DPH6: variants seen among roughly 807,000 people sequenced by gnomAD.
DPH6 encodes diphthine--ammonia ligase.
In DPH6, 33 loss-of-function variants were observed where a neutral mutation model predicts 38.2. The ratio of observed to expected loss-of-function variants is 0.86; its 90% CI spans 0.65 to 1.15. DPH6 has a LOEUF of 1.15. Among genes scored for constraint, DPH6 ranks in the 50% most tolerant of loss-of-function variants. The pLI is 0.00. For synonymous variants in DPH6, 108 were observed against 103.0 expected, an observed-to-expected ratio of 1.05 and a Z score of -0.30; for missense variants, 325 against 320.0, an observed-to-expected ratio of 1.02 and a Z score of -0.12.
intron 3 of DPH6, 27 bp downstream of exon 3, chr15:35,538,247 A>G: frequency 7.0e-7 from 1 of 1,422,692 alleles, no homozygotes; most frequent in African/African-American, 1.4e-5. Context: ...ACTAAATCCA[A>G]TATACTTAAT....
At chr15:35,521,343 A>C in intron 3 of DPH6, 1 of 1,013,738 alleles carries the variant, frequency 9.9e-7, no homozygotes, top group South Asian at 4.6e-5. Context: ...TGAATGTTGA[A>C]TGTACAATCC....
intron 3 of DPH6, among the ~76,000 whole-genome samples, chr15:35,259,711 A>T (rs2051733380): frequency 6.6e-6 from 1 of 152,234 alleles, no homozygotes; most frequent in African/African-American, 2.4e-5. Flanking sequence ...AGCAGCCAAT[A>T]TAAGTCCTAA....
At position 35,268,187 on chromosome 15, in the gene DPH6, AT is replaced by A. The variant is rs1423555345; in HGVS notation, n.201-47606del. The stretch of plus-strand genomic sequence containing the variant: ...TCTGTCTCAAAAAATAAATAAATAA[AT>A]AAATAAATAAATAAATAAATAAATA... On this transcript the variant is annotated intron_variant and non_coding_transcript_variant, in intron 3 of 3. Transcript: ENST00000560386. 1.3e-3 allele frequency among the ~76,000 whole-genome samples: 189 copies of A among 148,712 alleles called. 1 individual carries two copies. Among genetic ancestry groups the A allele is most frequent in the Admixed American group, 2.7e-3 (41 of 14,982 alleles).
chr15:35,528,515 G>C (rs1158989677), intron 3 of DPH6, among the ~76,000 whole-genome samples: 1 of 152,016 alleles, frequency 6.6e-6, no homozygotes, highest in Non-Finnish European at 1.5e-5. Flanking sequence ...AATCTCTCTA[G>C]AATGTCCCCT....
At chr15:35,179,220 A>AG in the DPH6 span, among the ~76,000 whole-genome samples, 9 of 151,316 alleles carry the variant, frequency 5.9e-5, no homozygotes, top group East Asian at 5.8e-4. Flanking sequence ...AAAAAAAAAA[A>AG]AAAAAAAGAA....
At chr15:35,386,945 G>C in intron 6 of DPH6, among the ~76,000 whole-genome samples, 1 of 152,106 alleles carries the variant, frequency 6.6e-6, no homozygotes, top group Non-Finnish European at 1.5e-5. Context: ...GTAATGCCTA[G>C]GTTTTCTTCT....
intron 7 of DPH6, among the ~76,000 whole-genome samples, chr15:35,379,297 CT>C (rs1446532376): frequency 6.6e-6 from 1 of 152,122 alleles, no homozygotes; most frequent in Non-Finnish European, 1.5e-5. Context: ...AGGTAGTCTT[CT>C]TTTTTTGTAA....
At chr15:35,168,642 C>T in the DPH6 span, among the ~76,000 whole-genome samples, 1 of 151,948 alleles carries the variant, frequency 6.6e-6, no homozygotes, top group Non-Finnish European at 1.5e-5. Context: ...TCCTCTTCCC[C>T]CGAAAACTGC....
chr15:35,241,923 C>T (rs1327757769), intron 3 of DPH6, among the ~76,000 whole-genome samples: 1 of 144,252 alleles, frequency 6.9e-6, no homozygotes, highest in Non-Finnish European at 1.5e-5. Flanking sequence ...TATGCCTTAT[C>T]AACCAAATTG....
chr15:35,180,606 G>A, the DPH6 span, among the ~76,000 whole-genome samples: 1 of 152,140 alleles, frequency 6.6e-6, no homozygotes, highest in Non-Finnish European at 1.5e-5. Context: ...AACTACAAGT[G>A]TGTGCCACCA....
At chr15:35,284,783 C>A (rs1269101744) in intron 3 of DPH6, among the ~76,000 whole-genome samples, 2 of 138,784 alleles carry the variant, frequency 1.4e-5, no homozygotes, top group African/African-American at 5.3e-5. Context: ...AAGGAAAATT[C>A]ATGGGTGAAG....
chr15:35,241,708 G>C (rs2051600899), intron 3 of DPH6, among the ~76,000 whole-genome samples: 1 of 141,752 alleles, frequency 7.1e-6, no homozygotes, highest in Admixed American at 7.7e-5. Context: ...GACCGATCAT[G>C]CACCCCTTAC....
intron 3 of DPH6, among the ~76,000 whole-genome samples, chr15:35,315,755 A>G (rs150533479): frequency 4.0e-4 from 61 of 152,360 alleles, no homozygotes; most frequent in African/African-American, 1.4e-3. Flanking sequence ...TTATTGCAGC[A>G]TTATTCACAA....
intron 3 of DPH6, among the ~76,000 whole-genome samples, chr15:35,533,851 T>C (rs2055125966): frequency 6.6e-6 from 1 of 152,056 alleles, no homozygotes. Flanking sequence ...CATAATCTAC[T>C]GTTTGCATGG....
At chr15:35,186,253 C>T in the DPH6 span, among the ~76,000 whole-genome samples, 5 of 152,080 alleles carry the variant, frequency 3.3e-5, no homozygotes, top group African/African-American at 1.2e-4. Flanking sequence ...CAAAGAAAAC[C>T]TGGGGAGGGG....
intron 3 of DPH6, among the ~76,000 whole-genome samples, chr15:35,335,492 G>A (rs1190413577): frequency 4.6e-5 from 7 of 151,634 alleles, no homozygotes; most frequent in Admixed American, 6.6e-5. Flanking sequence ...TGAATGATAC[G>A]CCTAGGTTTC....
intron 6 of DPH6, among the ~76,000 whole-genome samples, chr15:35,398,966 A>AT (rs2053183108): frequency 6.6e-6 from 1 of 152,072 alleles, no homozygotes; most frequent in African/African-American, 2.4e-5. Flanking sequence ...TAAATAGTTT[A>AT]TTTTTTCTTC....
At chr15:35,521,960 C>T (rs976122775) in intron 3 of DPH6, 4 of 1,422,356 alleles carry the variant, frequency 2.8e-6, no homozygotes, top group Non-Finnish European at 2.8e-6. Context: ...CCAAATCTTG[C>T]CTAGGTAAGT....
At chr15:35,287,157 AAAT>A in intron 3 of DPH6, among the ~76,000 whole-genome samples, 1 of 152,336 alleles carries the variant, frequency 6.6e-6, no homozygotes, top group South Asian at 2.1e-4. Context: ...TTGTTTAAAA[AAAT>A]CTTTTTATGA....
Sources: gnomAD v4.1 joint callset for allele counts (sites outside exome capture counted in the v4.1 genomes callset) on GRCh38, gnomAD v4.1.1 for gene constraint, MANE v1.5 for transcripts, NCBI Gene and HGNC (gene_info 2026-07-23, HGNC 2026-07-21) for gene names.